Variants in MELTF observed in about 807,000 individuals in gnomAD.
MELTF encodes the protein antigen p97 (melanoma associated) identified by monoclonal antibodies 133.2 and 96.5.
A neutral mutation model predicts 83.7 loss-of-function variants in MELTF; 67 were observed. That is an observed-to-expected ratio of 0.80 (90% CI 0.66 to 0.98). The LOEUF (loss-of-function observed/expected upper bound fraction) is 0.98. Among genes scored for constraint, MELTF ranks in the 50% least tolerant of loss-of-function variants. The pLI is 0.00. For synonymous variants in MELTF, 462 were observed against 447.6 expected, an observed-to-expected ratio of 1.03 and a Z score of -0.41; for missense variants, 1,002 against 1,035.6, an observed-to-expected ratio of 0.97 and a Z score of 0.44.
At position 197,008,102 on chromosome 3, in the gene MELTF, G is replaced by A. The variant is rs2280292; in HGVS notation, c.1750+555C>T. ...CGTGTGCTCTGATAGGACCATGTAT[G>A]TACTGGGGTCCCGGAGCAGAGCGTT... On this transcript the variant is annotated intron_variant, in intron 13 of 15. Transcript: ENST00000296350. The surrounding 1 kb of genome is among the most constrained non-coding windows in gnomAD (Gnocchi z 5.4). Among the ~76,000 whole-genome samples the A allele has an allele frequency of 0.16, 24,683 of 152,176 alleles. 2,200 individuals carry two copies. Among genetic ancestry groups the A allele is most frequent in the Middle Eastern group, 0.3 (89 of 294 alleles).
In MELTF at chr3:197,001,762, T is replaced by G. The variant is rs1060357; in HGVS notation, c.*1610A>C. The G allele has an allele frequency of 0.66, 99,728 of 151,598 alleles. 36,188 individuals are homozygous for G. Among genetic ancestry groups the G allele is most frequent in the East Asian group, 0.82 (4,170 of 5,078 alleles). 9.4% of individuals were successfully genotyped at this position (151,598 alleles called of 1,614,324 possible). On this transcript the variant is annotated 3_prime_UTR_variant, in exon 16 of 16. Transcript: ENST00000296350. ...AAGTTTCTATCAGGGTCCAAGCCTCTGCATGTGCTGGCTTGTTTGGCTTTA... is the reference window on the plus strand; with the variant it reads ...AAGTTTCTATCAGGGTCCAAGCCTCGGCATGTGCTGGCTTGTTTGGCTTTA...
chr3:197,016,401 G>A (rs1449328314), intron 7 of MELTF, 32 bp from the exon 8 acceptor site: 1 of 1,477,428 alleles, frequency 6.8e-7, no homozygotes, highest in Non-Finnish European at 9.0e-7. Context: ...ACAGGGTGGT[G>A]AGGGTGCTGA....
chr3:197,003,787 C>T lies in MELTF; in HGVS notation c.2137+114G>A, dbSNP rs1367794782. On this transcript the variant is annotated intron_variant, in intron 15 of 15. Transcript: ENST00000296350. This position sits in a 1 kb window ranked among gnomAD's most constrained non-coding sequence, Gnocchi z 6.2. ...CCGGGACACCCCACCTGGACTGCTG[C>T]GAACGGGCCTCCACCCGCCTCCCCG... 1.0e-5 allele frequency: 12 copies of T among 1,147,932 alleles called. No individual in the cohort carries two copies. The highest frequency in any genetic ancestry group is 1.4e-5 in the Non-Finnish European group (11 of 814,346). The allele number at this position is 1,147,932 out of a possible 1,614,324, so 71.1% of individuals were successfully genotyped here.
Position 197,022,074 on chromosome 3 carries a change from A to C in MELTF, c.645-603T>G, listed in dbSNP as rs74480503. Among the ~76,000 whole-genome samples the C allele has an allele frequency of 7.7e-4, 118 of 152,264 alleles. 2 individuals are homozygous for C. The East Asian group carries it at 0.021, about 27-fold the overall frequency. On this transcript the variant is annotated intron_variant, in intron 5 of 15. Coordinates refer to ENST00000296350, the MANE Select transcript of MELTF (RefSeq NM_005929.6). The surrounding 1 kb of genome is among the most constrained non-coding windows in gnomAD (Gnocchi z 5.1). ...CCCTGAGGCAGGGGATTGGACTAGA[A>C]GGCCTTTTCATGCCATGCCGCAGAA...
chr3:197,004,204 G>T, intron 14 of MELTF, 105 bp from the exon 15 acceptor site: 1 of 1,078,306 alleles, frequency 9.3e-7, no homozygotes, highest in Non-Finnish European at 1.4e-6. Flanking sequence ...GACCCAAAGA[G>T]CAAGTCATTT....
At chr3:197,013,298 G>A (rs1719249694) in intron 9 of MELTF, among the ~76,000 whole-genome samples, 1 of 152,168 alleles carries the variant, frequency 6.6e-6, no homozygotes, top group Admixed American at 6.5e-5. Flanking sequence ...GGACGCTGCT[G>A]GGAAGAAGCT....
chr3:197,020,678 TGTTGTTTTTTAGACAGA>T (rs1384098495), intron 6 of MELTF, among the ~76,000 whole-genome samples: 1 of 151,940 alleles, frequency 6.6e-6, no homozygotes, highest in Non-Finnish European at 1.5e-5. Context: ...TTTTTTTTGT[TGTTGTTTTTTAGACAGA>T]GTCTCGCTCT....
intron 2 of MELTF, 120 bp from the exon 3 acceptor site, chr3:197,026,879 C>T: frequency 1.3e-6 from 1 of 749,214 alleles, no homozygotes; most frequent in Non-Finnish European, 2.3e-6. Flanking sequence ...TGCTGTCCTT[C>T]TCATCTGTCC....
At position 197,008,891 on chromosome 3, in the gene MELTF, G is replaced by GTGC; in HGVS notation, c.1597_1599dup (p.Ala533dup). 1 of 1,614,220 alleles carries GTGC rather than the reference G, an allele frequency of 6.2e-7. No homozygotes were observed. Among genetic ancestry groups the GTGC allele is most frequent in the Non-Finnish European group, 8.5e-7 (1 of 1,180,032 alleles). ...CGGCCCTGCTCGTCCCCCACGCACA[G>GTGC]TGCACACAGCGAGGAGGGGTAGTTC... On this transcript the variant is annotated inframe_insertion, in exon 12 of 16. Coordinates refer to ENST00000296350, the MANE Select transcript of MELTF (RefSeq NM_005929.6). The surrounding 1 kb of genome is among the most constrained non-coding windows in gnomAD (Gnocchi z 5.4).
chr3:197,021,123 C>G (rs921336668), intron 6 of MELTF, among the ~76,000 whole-genome samples: 1 of 152,240 alleles, frequency 6.6e-6, no homozygotes, highest in African/African-American at 2.4e-5. Context: ...GGAACCAGAA[C>G]CCAATGCCAT....
At chr3:197,010,325 AGAGGCTGAG>A (rs1405254183) in intron 10 of MELTF, among the ~76,000 whole-genome samples, 3 of 152,246 alleles carry the variant, frequency 2.0e-5, no homozygotes, top group East Asian at 1.9e-4. Context: ...TAGGGCCAGA[AGAGGCTGAG>A]GAGGCCCCAG....
intron 14 of MELTF, among the ~76,000 whole-genome samples, chr3:197,005,069 G>A (rs547507452): frequency 2.0e-5 from 3 of 152,244 alleles, no homozygotes; most frequent in Non-Finnish European, 2.9e-5. Flanking sequence ...CAGCTCTGCA[G>A]TTCTGTGGTG....
At position 197,006,575 on chromosome 3, in the gene MELTF, C is replaced by T. The variant is rs755869654; in HGVS notation, c.1912G>A (p.Val638Met). Reference sequence around the variant, plus strand: ...TGGGCCTTGTCCAGCAGTCCATACACGGTGAAGATGTTGGTGTCGGGCCGG... The same window carrying T: ...TGGGCCTTGTCCAGCAGTCCATACATGGTGAAGATGTTGGTGTCGGGCCGG... ...MVRPDTNIFT[V>M]YGLLDKAQDL... The change falls in exon 14 of 16, where the codon GTG becomes ATG. Residue 638 changes from valine (V) to methionine (M), a missense_variant. By Grantham distance (21) the Val-to-Met change is conservative. Transcript: ENST00000296350. This position sits in a 1 kb window ranked among gnomAD's most constrained non-coding sequence, Gnocchi z 5.4. 14 of 1,613,516 alleles carry T rather than the reference C, an allele frequency of 8.7e-6. No homozygotes were observed. The highest frequency in any genetic ancestry group is 1.3e-5 in the African/African-American group (1 of 74,894).
intron 5 of MELTF, among the ~76,000 whole-genome samples, chr3:197,021,979 A>G (rs1719641782): frequency 6.6e-6 from 1 of 152,136 alleles, no homozygotes; most frequent in Admixed American, 6.5e-5. Context: ...TCTGCCTCCA[A>G]AGTAGCTGGG....
At position 197,003,065 on chromosome 3, in the gene MELTF, C is replaced by T. The variant is rs1028029475; in HGVS notation, c.*307G>A. The stretch of plus-strand genomic sequence containing the variant: ...GGAGGCGGGCGGGCCCCTCGGGCGA[C>T]ACCGCGGGGCGGGCGGCGGGAAGCC... On this transcript the variant is annotated 3_prime_UTR_variant, in exon 16 of 16. Transcript: ENST00000296350. This position sits in a 1 kb window ranked among gnomAD's most constrained non-coding sequence, Gnocchi z 6.2. 1.3e-5 allele frequency: 2 copies of T among 150,676 alleles called. No homozygotes were observed. Among genetic ancestry groups the T allele is most frequent in the African/African-American group, 4.9e-5 (2 of 40,942 alleles). 9.3% of individuals were successfully genotyped at this position (150,676 alleles called of 1,614,324 possible).
chr3:197,009,030 G>T (rs1719085756), intron 11 of MELTF, 65 bp from the exon 12 acceptor site: 3 of 1,586,660 alleles, frequency 1.9e-6, no homozygotes, highest in Non-Finnish European at 2.6e-6. Context: ...GAGCTGGGCG[G>T]GCCGCTCCCC....
Position 197,003,521 on chromosome 3 carries a change from G to T in MELTF, c.2138-70C>A. 3 of 870,794 alleles carry T rather than the reference G, an allele frequency of 3.4e-6. No individual in the cohort carries two copies. Among genetic ancestry groups the T allele is most frequent in the Non-Finnish European group, 4.4e-6 (3 of 688,550 alleles). 53.9% of individuals were successfully genotyped at this position (870,794 alleles called of 1,614,324 possible). A position where few individuals can be genotyped will look rare whatever the true frequency, so the allele number is the denominator to read the frequency against. On this transcript the variant is annotated intron_variant, in intron 15 of 15. Coordinates refer to ENST00000296350, the MANE Select transcript of MELTF (RefSeq NM_005929.6). This position sits in a 1 kb window ranked among gnomAD's most constrained non-coding sequence, Gnocchi z 6.2. Reference sequence around the variant, plus strand: ...GTGGCCGCCTCAGGCGCCCGCTCTGGGGTGGGGGTGGGGGCATCTTTCGGG... The same window carrying T: ...GTGGCCGCCTCAGGCGCCCGCTCTGTGGTGGGGGTGGGGGCATCTTTCGGG...
chr3:197,026,190 G>A (rs2148593690), intron 3 of MELTF: 1 of 177,700 alleles, frequency 5.6e-6, no homozygotes, highest in Middle Eastern at 2.6e-3. Context: ...GGAAGTGGAG[G>A]TTGGCCAAGG....
At chr3:197,026,374 C>T (rs533580136) in intron 3 of MELTF, 1 of 422,598 alleles carries the variant, frequency 2.4e-6, no homozygotes, top group East Asian at 4.0e-5. Flanking sequence ...CCGTGCCCGG[C>T]ACCACGCCAG....
Sources: gnomAD v4.1 joint callset for allele counts (sites outside exome capture counted in the v4.1 genomes callset) on GRCh38, gnomAD v4.1.1 for gene constraint, Gnocchi (gnomAD v3.1) non-coding constraint, MANE v1.5 for transcripts, NCBI Gene and HGNC (gene_info 2026-07-23, HGNC 2026-07-21) for gene names.